The following HLF variants were observed in gnomAD, a reference collection of about 807,000 sequenced individuals.
HLF encodes hepatic leukemia factor.
In HLF, 3 loss-of-function variants were observed where a neutral mutation model predicts 22.6. That is an observed-to-expected ratio of 0.13 (90% CI 0.06 to 0.34). The LOEUF (loss-of-function observed/expected upper bound fraction) is 0.34, where lower values mean the gene tolerates loss of function less well. Ranked by LOEUF, HLF falls within the 10% of genes least tolerant of loss-of-function variation. HLF has a pLI of 1.00. For missense variants in HLF, 299 were observed against 389.2 expected, an observed-to-expected ratio of 0.77 and a Z score of 1.95; for synonymous variants, 151 against 151.8, an observed-to-expected ratio of 0.99 and a Z score of 0.04.
At chr17:55,301,908 C>T (rs1356399322) in intron 2 of HLF, among the ~76,000 whole-genome samples, 3 of 152,236 alleles carry the variant, frequency 2.0e-5, no homozygotes, top group African/African-American at 7.2e-5. Context: ...GCCTCCACTG[C>T]ACTCCAAGAA....
intron 3 of HLF, among the ~76,000 whole-genome samples, chr17:55,316,971 T>G (rs1205217498): frequency 7.5e-6 from 1 of 134,214 alleles, no homozygotes; most frequent in African/African-American, 2.9e-5. Context: ...TGGTGTTTTT[T>G]TTTTTTTTTT....
chr17:55,299,531 A>G (rs545802495), intron 2 of HLF, among the ~76,000 whole-genome samples: 2 of 152,358 alleles, frequency 1.3e-5, no homozygotes, highest in African/African-American at 2.4e-5. Flanking sequence ...GGTTCTCAAC[A>G]TACCAAGATG....
At chr17:55,302,603 G>C (rs543491950) in intron 2 of HLF, among the ~76,000 whole-genome samples, 1 of 152,134 alleles carries the variant, frequency 6.6e-6, no homozygotes, top group African/African-American at 2.4e-5. Flanking sequence ...GAATATTGTC[G>C]CTGATTTCGT....
At chr17:55,317,976 C>A (rs1183377308) in intron 3 of HLF, among the ~76,000 whole-genome samples, 1 of 152,142 alleles carries the variant, frequency 6.6e-6, no homozygotes. Context: ...TAGTGTGTGC[C>A]AACCCTCTAA....
At chr17:55,292,157 A>G (rs1382278826) in intron 2 of HLF, among the ~76,000 whole-genome samples, 1 of 152,238 alleles carries the variant, frequency 6.6e-6, no homozygotes, top group Non-Finnish European at 1.5e-5. Context: ...CTTAGTTGGT[A>G]TAGCAGTGGC....
chr17:55,272,046 G>T (rs1040539185), intron 2 of HLF: 6 of 152,244 alleles, frequency 3.9e-5, no homozygotes, highest in Admixed American at 3.9e-4. Context: ...TCTTAATGAA[G>T]GGAAGAGTAG....
chr17:55,269,307 T>G (rs764438056), intron 2 of HLF, among the ~76,000 whole-genome samples: 3 of 152,202 alleles, frequency 2.0e-5, no homozygotes, highest in Non-Finnish European at 4.4e-5. Flanking sequence ...TGGAATGGAA[T>G]TAATTCTTAG....
intron 2 of HLF, among the ~76,000 whole-genome samples, chr17:55,285,372 G>C (rs1015620164): frequency 1.3e-5 from 2 of 152,102 alleles, no homozygotes; most frequent in Admixed American, 6.6e-5. Context: ...TGTTTGATGG[G>C]ATTCCATGGA....
rs1294526386 is a variant in HLF, at chr17:55,267,751, C to T, written c.116C>T (p.Ala39Val). The T allele has an allele frequency of 1.3e-6, 2 of 1,549,296 alleles. No individual in the cohort carries two copies. The highest frequency in any genetic ancestry group is 1.7e-6 in the Non-Finnish European group (2 of 1,143,798). Residue 39 changes from alanine to valine, a missense_variant and splice_region_variant, in exon 2 of 4, where the codon GCA (alanine) becomes GTA (valine). Around this residue, in one of 3 missense-constraint regions of HLF, gnomAD observed 72 missense variants for 74.0 expected, o/e 0.97. Coordinates refer to ENST00000226067, the MANE Select transcript of HLF (RefSeq NM_002126.5). ...AGTCCAGCTTTCCCTTCTTCTGCAG[C>T]ATTTAGTAAAGATAAAGACAAGGAA... is the stretch of plus-strand genomic sequence containing the variant. ...PLKLPLHHED[A>V]FSKDKDKEKK...
chr17:55,295,585 G>A (rs1335399453), intron 2 of HLF, among the ~76,000 whole-genome samples: 28 of 152,222 alleles, frequency 1.8e-4, no homozygotes, highest in Non-Finnish European at 7.3e-5. Context: ...GAAGGTTAGA[G>A]GCGGTGTAAT....
intron 2 of HLF, among the ~76,000 whole-genome samples, chr17:55,288,030 G>C (rs1299753154): frequency 6.6e-6 from 1 of 152,250 alleles, no homozygotes; most frequent in East Asian, 1.9e-4. Flanking sequence ...CTTTGGGCCA[G>C]ATGTGAGTCA....
At chr17:55,306,850 T>C (rs1229476118) in intron 2 of HLF, among the ~76,000 whole-genome samples, 1 of 152,092 alleles carries the variant, frequency 6.6e-6, no homozygotes, top group Non-Finnish European at 1.5e-5. Context: ...GTATTTCTTC[T>C]TGGTTTCTTA....
chr17:55,299,886 T>G (rs2081141837), intron 2 of HLF, among the ~76,000 whole-genome samples: 1 of 152,094 alleles, frequency 6.6e-6, no homozygotes, highest in Middle Eastern at 3.4e-3. Context: ...TAGGCTGGAG[T>G]GCAGTGCCAC....
At chr17:55,277,040 G>A (rs189379073) in intron 2 of HLF, among the ~76,000 whole-genome samples, 1 of 152,252 alleles carries the variant, frequency 6.6e-6, no homozygotes, top group Non-Finnish European at 1.5e-5. Context: ...GTGATTGGGG[G>A]AAACACTCTT....
intron 3 of HLF, among the ~76,000 whole-genome samples, chr17:55,317,816 A>G (rs988793043): frequency 3.9e-5 from 6 of 151,956 alleles, no homozygotes; most frequent in African/African-American, 1.2e-4. Flanking sequence ...TCTTGAGCCA[A>G]TCATTAGGGT....
intron 2 of HLF, among the ~76,000 whole-genome samples, 172 bp from the exon 3 acceptor site, chr17:55,315,055 A>T (rs1234695503): frequency 6.6e-6 from 1 of 152,248 alleles, no homozygotes; most frequent in Non-Finnish European, 1.5e-5. Flanking sequence ...GTCAAGTCAT[A>T]CTCAACCTGC....
chr17:55,318,495 G>C (rs1273182680), intron 3 of HLF, among the ~76,000 whole-genome samples: 2 of 152,178 alleles, frequency 1.3e-5, no homozygotes, highest in Non-Finnish European at 2.9e-5. Context: ...CCTGAAGTCA[G>C]CTGGTGACTC....
chr17:55,309,662 A>C (rs905562459), intron 2 of HLF, among the ~76,000 whole-genome samples: 2 of 152,198 alleles, frequency 1.3e-5, no homozygotes, highest in Non-Finnish European at 2.9e-5. Context: ...GGCCAAAATA[A>C]AAATTGTCTT....
At chr17:55,310,105 G>C (rs1048236283) in intron 2 of HLF, among the ~76,000 whole-genome samples, 1 of 152,194 alleles carries the variant, frequency 6.6e-6, no homozygotes, top group Non-Finnish European at 1.5e-5. Context: ...CCAACTTTGG[G>C]TTTGAAGGTA....
Sources: gnomAD v4.1 joint callset for allele counts (sites outside exome capture counted in the v4.1 genomes callset) on GRCh38, gnomAD v4.1.1 for gene constraint, gnomAD v4.1.1 regional missense constraint, MANE v1.5 for transcripts, NCBI Gene and HGNC (gene_info 2026-07-23, HGNC 2026-07-21) for gene names.